CSMD1: variants seen among roughly 807,000 people sequenced by gnomAD.
CSMD1 encodes CUB and sushi domain-containing protein 1.
CSMD1 carries 213 observed loss-of-function variants against 417.5 expected under a neutral mutation model. The ratio of observed to expected loss-of-function variants is 0.51; its 90% CI spans 0.46 to 0.57. The LOEUF (loss-of-function observed/expected upper bound fraction) is 0.57. Among genes scored for constraint, CSMD1 ranks in the 20% least tolerant of loss-of-function variants. CSMD1 has a pLI of 0.00. For missense variants in CSMD1, 6,923 were observed against 4,529.7 expected, an observed-to-expected ratio of 1.53 and a Z score of -15.17; for synonymous variants, 2,862 against 1,736.8, an observed-to-expected ratio of 1.65 and a Z score of -16.11.
intron 3 of CSMD1, among the ~76,000 whole-genome samples, chr8:4,186,107 C>G (rs990056400): frequency 6.6e-6 from 1 of 152,064 alleles, no homozygotes; most frequent in Non-Finnish European, 1.5e-5. Flanking sequence ...TTTGATTGGG[C>G]CATGCCAGGC....
At chr8:4,209,839 A>C (rs1800203306) in intron 3 of CSMD1, among the ~76,000 whole-genome samples, 1 of 152,168 alleles carries the variant, frequency 6.6e-6, no homozygotes, top group Admixed American at 6.5e-5. Context: ...TTACATGCAA[A>C]ATAAGGAGCG....
chr8:3,662,798 T>G (rs1011694916), intron 7 of CSMD1, among the ~76,000 whole-genome samples: 3 of 149,808 alleles, frequency 2.0e-5, no homozygotes, highest in African/African-American at 7.4e-5. Flanking sequence ...TGAGAACACA[T>G]GGACACAGGG....
chr8:4,351,939 C>G (rs1216637587), intron 3 of CSMD1, among the ~76,000 whole-genome samples: 1 of 136,766 alleles, frequency 7.3e-6, no homozygotes, highest in East Asian at 2.2e-4. Context: ...GGTAACATTG[C>G]CTTTATGCTA....
At chr8:4,122,367 G>C (rs190057808) in intron 3 of CSMD1, among the ~76,000 whole-genome samples, 1 of 152,136 alleles carries the variant, frequency 6.6e-6, no homozygotes, top group Non-Finnish European at 1.5e-5. Flanking sequence ...TATATACTCA[G>C]TGCCAACAAT....
chr8:3,948,409 G>T (rs147975580), intron 5 of CSMD1, among the ~76,000 whole-genome samples: 1,758 of 152,198 alleles, frequency 0.012, 30 homozygotes, highest in African/African-American at 0.04. Context: ...GGGAGAACAA[G>T]AAAAATAGGG....
chr8:4,720,924 T>C (rs1292402185), intron 1 of CSMD1, among the ~76,000 whole-genome samples: 3 of 152,148 alleles, frequency 2.0e-5, no homozygotes, highest in Admixed American at 6.6e-5. Context: ...ATCTTAACTT[T>C]CGTGAATCTA....
chr8:4,888,785 G>A (rs1014378010), intron 1 of CSMD1, among the ~76,000 whole-genome samples: 4 of 152,038 alleles, frequency 2.6e-5, no homozygotes, highest in African/African-American at 9.7e-5. Context: ...AAAAATCACA[G>A]GACATATCAA....
intron 3 of CSMD1, among the ~76,000 whole-genome samples, chr8:4,137,487 A>G (rs185303906): frequency 2.3e-5 from 3 of 132,288 alleles, no homozygotes; most frequent in Admixed American, 1.6e-4. Flanking sequence ...ACTACAGAAT[A>G]TAACATTGTT....
chr8:4,139,661 G>T (rs955039075), intron 3 of CSMD1, among the ~76,000 whole-genome samples: 4 of 151,172 alleles, frequency 2.6e-5, no homozygotes, highest in Admixed American at 2.0e-4. Flanking sequence ...AGGGCAAAGG[G>T]ATGCCAAACA....
rs140551646 is a variant in CSMD1, at chr8:3,642,948, A to C, written c.1010-26151T>G. Among the ~76,000 whole-genome samples, 138 of 152,132 alleles carry C rather than the reference A, an allele frequency of 9.1e-4. 2 individuals are homozygous for C. Among genetic ancestry groups the C allele is most frequent in the East Asian group, 9.1e-3 (47 of 5,182 alleles). ...GATAAAACCACTAATAGTTAAAATA[A>C]AAAAATACAAATTAGGAAATTCAGG... On this transcript the variant is annotated intron_variant, in intron 7 of 69. Transcript: ENST00000635120.
chr8:4,472,916 T>G (rs1027006636), intron 2 of CSMD1, among the ~76,000 whole-genome samples: 2 of 151,962 alleles, frequency 1.3e-5, no homozygotes, highest in African/African-American at 4.8e-5. Flanking sequence ...CATAATATTT[T>G]GATAATTTAC....
intron 1 of CSMD1, among the ~76,000 whole-genome samples, chr8:4,836,421 G>A (rs1800495667): frequency 1.3e-5 from 2 of 152,170 alleles, no homozygotes; most frequent in South Asian, 2.1e-4. Flanking sequence ...TCACCAGCCA[G>A]GGGGAAGAGA....
chr8:4,620,509 G>C (rs944088342), intron 2 of CSMD1, among the ~76,000 whole-genome samples: 4 of 151,500 alleles, frequency 2.6e-5, no homozygotes, highest in Admixed American at 6.6e-5. Flanking sequence ...GATGATAAAA[G>C]ACAAGGAAAA....
intron 1 of CSMD1, among the ~76,000 whole-genome samples, chr8:4,781,674 C>A (rs1797158926): frequency 6.6e-6 from 1 of 152,138 alleles, no homozygotes; most frequent in Non-Finnish European, 1.5e-5. Flanking sequence ...AAAATGGTAT[C>A]GGTCATGAAG....
intron 2 of CSMD1, among the ~76,000 whole-genome samples, chr8:4,457,069 G>C (rs117972946): frequency 0.016 from 2,386 of 151,650 alleles, 32 homozygotes; most frequent in Non-Finnish European, 0.024. Context: ...CCCCATACCA[G>C]GTGTGTCTGG....
At chr8:4,812,843 A>C (rs73181519) in intron 1 of CSMD1, among the ~76,000 whole-genome samples, 2 of 152,180 alleles carry the variant, frequency 1.3e-5, no homozygotes, top group African/African-American at 4.8e-5. Context: ...TAGGGAATCT[A>C]TTGTTATTGA....
chr8:4,595,505 G>C (rs1474666925), intron 2 of CSMD1, among the ~76,000 whole-genome samples: 2 of 152,034 alleles, frequency 1.3e-5, no homozygotes, highest in Non-Finnish European at 2.9e-5. Context: ...GGTGGCAATT[G>C]TTTTTGCTTC....
intron 3 of CSMD1, among the ~76,000 whole-genome samples, chr8:4,305,953 A>G (rs12056601): frequency 0.76 from 114,884 of 151,916 alleles, 43,559 homozygotes; most frequent in East Asian, 0.85. Context: ...ATTGCAGGGT[A>G]ACTTTCATAC....
At chr8:4,569,607 G>T (rs983886255) in intron 2 of CSMD1, among the ~76,000 whole-genome samples, 1 of 152,138 alleles carries the variant, frequency 6.6e-6, no homozygotes, top group Non-Finnish European at 1.5e-5. Context: ...TTTTTGCTTA[G>T]GATTGTCTTA....
Sources: gnomAD v4.1 joint callset for allele counts (sites outside exome capture counted in the v4.1 genomes callset) on GRCh38, gnomAD v4.1.1 for gene constraint, MANE v1.5 for transcripts, NCBI Gene and HGNC (gene_info 2026-07-23, HGNC 2026-07-21) for gene names.